Variants in AACS observed in about 807,000 individuals in gnomAD.
AACS encodes the protein acetoacetyl-CoA synthetase.
Under a neutral mutation model 83.1 loss-of-function variants are expected in AACS, and 69 were observed. The observed-to-expected ratio is 0.83, with a 90% CI of 0.68 to 1.01. The LOEUF (loss-of-function observed/expected upper bound fraction) is 1.01, where lower values mean the gene tolerates loss of function less well. AACS is among the 50% of genes least tolerant of loss of function. AACS has a pLI of 0.00. For missense variants in AACS, 866 were observed against 882.2 expected, an observed-to-expected ratio of 0.98 and a Z score of 0.23; for synonymous variants, 333 against 343.4, an observed-to-expected ratio of 0.97 and a Z score of 0.33.
rs548974143 is a variant in AACS, at chr12:125,075,455, C to A, written c.238-1036C>A. Among the ~76,000 whole-genome samples, 8 of 151,658 alleles carry A rather than the reference C, an allele frequency of 5.3e-5. No homozygotes were observed. The South Asian group carries it at 8.4e-4, about 16-fold the overall frequency. On this transcript the variant is annotated intron_variant, in intron 2 of 17. Transcript: ENST00000316519. ...TACAGGCGCCCGCCACCACGCCCGG[C>A]TAATTTTTGCATTTTTAGTAGAGAT...
chr12:125,085,852 G>A (rs1441416710), intron 3 of AACS, among the ~76,000 whole-genome samples: 1 of 152,162 alleles, frequency 6.6e-6, no homozygotes, highest in East Asian at 1.9e-4. Context: ...TTCTTGCACT[G>A]TTGCTCAGGC....
intron 5 of AACS, 123 bp downstream of exon 5, chr12:125,091,646 G>T: frequency 1.1e-6 from 1 of 940,920 alleles, no homozygotes. Flanking sequence ...AGGAGGTGGC[G>T]TTGCAGCTGC....
Position 125,118,703 on chromosome 12 carries a change from G to C in AACS, c.1059G>C (p.Leu353Phe). 6.2e-7 allele frequency: 1 copy of C among 1,614,132 alleles called. No individual in the cohort carries two copies. Among genetic ancestry groups the C allele is most frequent in the South Asian group, 1.1e-5 (1 of 91,070 alleles). Reference sequence around the variant, plus strand: ...TGGCCACAGGAGCGGCCATGGTCTTGTACGATGGCTCCCCCCTGGTGCCCA... The same window carrying C: ...TGGCCACAGGAGCGGCCATGGTCTTCTACGATGGCTCCCCCCTGGTGCCCA... ...SLLATGAAMV[L>F]YDGSPLVPTP... Residue 353 changes from leucine (L) to phenylalanine (F), a missense_variant, in exon 10 of 18, where the codon TTG becomes TTC. Coordinates refer to ENST00000316519, the MANE Select transcript of AACS (RefSeq NM_023928.5).
intron 7 of AACS, among the ~76,000 whole-genome samples, chr12:125,106,242 T>C (rs1956831384): frequency 6.6e-6 from 1 of 152,234 alleles, no homozygotes; most frequent in African/African-American, 2.4e-5. Context: ...GAGATGGATG[T>C]TGCTGCTGAA....
chr12:125,128,085 C>T (rs1593003488), intron 12 of AACS, 76 bp from the exon 13 acceptor site: 1 of 1,105,212 alleles, frequency 9.0e-7, no homozygotes, highest in Non-Finnish European at 1.3e-6. Context: ...GGCACCTTCT[C>T]CTTTGTTGCT....
intron 12 of AACS, 100 bp downstream of exon 12, chr12:125,125,124 C>T (rs563354316): frequency 3.9e-4 from 594 of 1,541,288 alleles, no homozygotes; most frequent in Non-Finnish European, 4.9e-4. Flanking sequence ...GGACACAGTC[C>T]GCTGGGCAGC....
rs1163540084 is a variant in AACS at position 125,094,764 on chromosome 12, G to T, written c.570+3241G>T. Among the ~76,000 whole-genome samples the T allele has an allele frequency of 6.6e-6, 1 of 152,350 alleles. No individual in the cohort carries two copies. Among genetic ancestry groups the T allele is most frequent in the East Asian group, 1.9e-4 (1 of 5,190 alleles). ...CGAAGGGCATCGCCAGGTTGGGGAA[G>T]TGCTCTGTTCTAAGGGTTCCCAACC... is the stretch of plus-strand genomic sequence containing the variant. On this transcript the variant is annotated intron_variant, in intron 5 of 17. Coordinates refer to ENST00000316519, the MANE Select transcript of AACS (RefSeq NM_023928.5). The surrounding 1 kb of genome is among the most constrained non-coding windows in gnomAD (Gnocchi z 4.1).
chr12:125,092,323 G>A (rs1956504127), intron 5 of AACS, among the ~76,000 whole-genome samples: 1 of 152,266 alleles, frequency 6.6e-6, no homozygotes, highest in South Asian at 2.1e-4. Flanking sequence ...CCGTCAGTCA[G>A]CAGCACCAGC....
At chr12:125,127,157 A>AT (rs1045697801) in intron 12 of AACS, 4 of 150,320 alleles carry the variant, frequency 2.7e-5, no homozygotes, top group African/African-American at 9.8e-5. Context: ...AAAAGGTGCC[A>AT]TTTGCCCGAA....
At chr12:125,095,570 C>T (rs1471671149) in intron 5 of AACS, among the ~76,000 whole-genome samples, 5 of 152,198 alleles carry the variant, frequency 3.3e-5, no homozygotes, top group Non-Finnish European at 7.3e-5. Context: ...GGCAGGTCTT[C>T]CTCTGGGCCC....
chr12:125,141,679 A>G (rs1957494388), intron 17 of AACS: 1 of 154,302 alleles, frequency 6.5e-6, no homozygotes, highest in Non-Finnish European at 1.4e-5. Flanking sequence ...CCTGGGTGAC[A>G]GAGTGCGACT....
rs1565931347 is a variant in AACS, at chr12:125,089,259, A to G, written c.473-2167A>G. Among the ~76,000 whole-genome samples the G allele has an allele frequency of 3.3e-5, 5 of 152,118 alleles. No homozygotes were observed. In the South Asian group the frequency reaches 1.0e-3, roughly 32 times the overall value. On this transcript the variant is annotated intron_variant, in intron 4 of 17. Transcript: ENST00000316519. Reference sequence around the variant, plus strand: ...TGGTGGTGTGACCCCTGCCCCTTGGATGCTTATGGCCCAGCAGGGGAGTCG... The same window carrying G: ...TGGTGGTGTGACCCCTGCCCCTTGGGTGCTTATGGCCCAGCAGGGGAGTCG...
chr12:125,074,063 G>A lies in AACS; in HGVS notation c.237+84G>A, dbSNP rs116377100. The A allele has an allele frequency of 1.3e-3, 1,506 of 1,144,064 alleles. 23 individuals are homozygous for A. The African/African-American group carries it at 0.021, about 16-fold the overall frequency. 70.9% of individuals were successfully genotyped at this position (1,144,064 alleles called of 1,614,324 possible). A position where few individuals can be genotyped will look rare whatever the true frequency, so the allele number is the denominator to read the frequency against. On this transcript the variant is annotated intron_variant, in intron 2 of 17. Transcript: ENST00000316519. ...TGCTAATTTTGGGGAATACTGAATT[G>A]TATCTCCTTTTTACAACCTCATGCA...
At chr12:125,134,450 G>A (rs770556579) in intron 15 of AACS, among the ~76,000 whole-genome samples, 1 of 152,178 alleles carries the variant, frequency 6.6e-6, no homozygotes, top group Non-Finnish European at 1.5e-5. Context: ...GGGTCTGGGC[G>A]TGATCCAAGT....
chr12:125,120,298 A>C (rs1387851252), intron 10 of AACS: 1 of 152,172 alleles, frequency 6.6e-6, no homozygotes, highest in Non-Finnish European at 1.5e-5. Context: ...GTGTTTCCAG[A>C]GATAAGAATA....
rs189952836 is a variant in AACS at position 125,104,431 on chromosome 12, C to T, written c.767+1350C>T. Among the ~76,000 whole-genome samples, 34 of 152,334 alleles carry T rather than the reference C, an allele frequency of 2.2e-4. No individual in the cohort carries two copies. The East Asian group carries it at 6.4e-3, about 29-fold the overall frequency. The stretch of plus-strand genomic sequence containing the variant: ...CAAGGTACAAATCATGTGTCCTGTC[C>T]TCCGGGAGTTGCAATCTAGTTGGAG... On this transcript the variant is annotated intron_variant, in intron 7 of 17. Coordinates refer to ENST00000316519, the MANE Select transcript of AACS (RefSeq NM_023928.5).
intron 3 of AACS, among the ~76,000 whole-genome samples, chr12:125,080,970 C>T (rs982367468): frequency 1.3e-5 from 2 of 151,516 alleles, no homozygotes; most frequent in South Asian, 2.1e-4. Flanking sequence ...GGATTACAGG[C>T]GTGAGTCACC....
intron 12 of AACS, 38 bp downstream of exon 12, chr12:125,125,062 C>T (rs201409474): frequency 6.6e-5 from 107 of 1,613,262 alleles, no homozygotes; most frequent in Admixed American, 2.2e-4. Context: ...CAGCCATCCC[C>T]GCCGGCCCCA....
chr12:125,079,544 G>A (rs1956115331), intron 3 of AACS, among the ~76,000 whole-genome samples: 1 of 151,964 alleles, frequency 6.6e-6, no homozygotes, highest in African/African-American at 2.4e-5. Flanking sequence ...ACTGTGTCCG[G>A]CTAATTTTTT....
Sources: allele counts gnomAD v4.1 joint callset (sites outside exome capture counted in the v4.1 genomes callset), GRCh38; gene constraint gnomAD v4.1.1; non-coding constraint Gnocchi (gnomAD v3.1); transcripts MANE v1.5; gene names NCBI Gene and HGNC (gene_info 2026-07-23, HGNC 2026-07-21).